The following DNAH11 variants were observed in gnomAD, a reference collection of about 807,000 sequenced individuals.
DNAH11 encodes the protein dynein axonemal heavy chain 11.
Under a neutral mutation model 526.0 loss-of-function variants are expected in DNAH11, and 442 were observed. The observed-to-expected ratio is 0.84, with a 90% CI of 0.78 to 0.91. DNAH11 has a LOEUF of 0.91. Among genes scored for constraint, DNAH11 ranks in the 40% least tolerant of loss-of-function variants. DNAH11 has a pLI of 0.00. For synonymous variants in DNAH11, 2,461 were observed against 1,935.9 expected, an observed-to-expected ratio of 1.27 and a Z score of -7.12; for missense variants, 6,989 against 5,448.7, an observed-to-expected ratio of 1.28 and a Z score of -8.90.
Position 21,892,418 on chromosome 7 carries a change from G to T in DNAH11, c.12508-7G>T. 6.2e-7 allele frequency: 1 copy of T among 1,604,204 alleles called. No individual in the cohort carries two copies. The highest frequency in any genetic ancestry group is 8.5e-7 in the Non-Finnish European group (1 of 1,172,818). On this transcript the variant is annotated splice_polypyrimidine_tract_variant and splice_region_variant and intron_variant, in intron 76 of 81. Transcript: ENST00000409508. ...TGGAATAACTGACTTTTCCTTTGTG[G>T]TTCAAGACTGAAGATGAACTGATGC...
At chr7:21,870,538 A>C in intron 73 of DNAH11, among the ~76,000 whole-genome samples, 1 of 152,148 alleles carries the variant, frequency 6.6e-6, no homozygotes, top group Non-Finnish European at 1.5e-5. Flanking sequence ...GGTAAATTTT[A>C]AGGTTGTCTC....
chr7:21,581,974 A>G lies in DNAH11; in HGVS notation c.1663A>G (p.Ile555Val). 6.2e-7 allele frequency: 1 copy of G among 1,613,392 alleles called. No homozygotes were observed. The highest frequency in any genetic ancestry group is 8.5e-7 in the Non-Finnish European group (1 of 1,179,476). The change falls in exon 9 of 82, where the codon ATT (isoleucine) becomes GTT (valine). Residue 555 changes from isoleucine (I) to valine (V), a missense_variant. Physicochemically the swap from Ile to Val is conservative, Grantham distance 29. Coordinates refer to ENST00000409508, the MANE Select transcript of DNAH11 (RefSeq NM_001277115.2). ...ATTTGACAGAAGGCTTGGGACAATT[A>G]TTTGTGAAGCTTTCTTTAACTGCAA... ...LEFDRRLGTI[I>V]CEAFFNCNGL...
chr7:21,705,580 T>A (rs750954734), intron 39 of DNAH11, 43 bp downstream of exon 39: 1 of 1,585,852 alleles, frequency 6.3e-7, no homozygotes, highest in Non-Finnish European at 8.6e-7. Context: ...GGAAAGAACA[T>A]TTGTTGTCAT....
intron 21 of DNAH11, 43 bp from the exon 22 acceptor site, chr7:21,616,166 C>G (rs1489664809): frequency 6.7e-7 from 1 of 1,490,206 alleles, no homozygotes; most frequent in South Asian, 1.1e-5. Context: ...GACTTGCTTT[C>G]ACCAAATGTT....
intron 54 of DNAH11, among the ~76,000 whole-genome samples, chr7:21,761,538 C>T (rs1285239142): frequency 6.6e-6 from 1 of 152,202 alleles, no homozygotes; most frequent in Non-Finnish European, 1.5e-5. Context: ...ATTAGGCTAT[C>T]ACTGTGGGTG....
intron 25 of DNAH11, among the ~76,000 whole-genome samples, chr7:21,629,339 G>A (rs1335266309): frequency 6.6e-6 from 1 of 152,034 alleles, no homozygotes; most frequent in East Asian, 1.9e-4. Flanking sequence ...GATCTATTCT[G>A]GAGAATCCAT....
intron 54 of DNAH11, among the ~76,000 whole-genome samples, chr7:21,755,587 G>A (rs57038242): frequency 0.066 from 10,059 of 152,036 alleles, 502 homozygotes; most frequent in East Asian, 0.29. Context: ...ACAAAACAAT[G>A]TAAAAAATAT....
chr7:21,677,545 C>G (rs1782945127), intron 30 of DNAH11, among the ~76,000 whole-genome samples: 1 of 152,106 alleles, frequency 6.6e-6, no homozygotes, highest in Non-Finnish European at 1.5e-5. Context: ...CTATGCCTGG[C>G]TGATATTTTT....
At chr7:21,632,286 C>T (rs1786652762) in intron 25 of DNAH11, among the ~76,000 whole-genome samples, 1 of 152,208 alleles carries the variant, frequency 6.6e-6, no homozygotes. Flanking sequence ...ACAAAGGTCT[C>T]TGATGCCTTG....
intron 4 of DNAH11, among the ~76,000 whole-genome samples, chr7:21,560,854 A>G (rs1168875255): frequency 6.6e-6 from 1 of 152,220 alleles, no homozygotes; most frequent in Admixed American, 6.5e-5. Flanking sequence ...AATAATATAT[A>G]TCCAAATTTA....
intron 68 of DNAH11, among the ~76,000 whole-genome samples, chr7:21,857,585 A>T (rs7810215): frequency 0.67 from 101,781 of 151,788 alleles, 34,806 homozygotes; most frequent in African/African-American, 0.75. Context: ...TTAAGACTTA[A>T]ATCTACACGA....
chr7:21,738,970 T>G, intron 47 of DNAH11, 104 bp downstream of exon 47: 1 of 1,120,592 alleles, frequency 8.9e-7, no homozygotes. Flanking sequence ...TATGGATGAA[T>G]TATTATGGAT....
chr7:21,597,341 C>T (rs1300323523), intron 14 of DNAH11, among the ~76,000 whole-genome samples: 1 of 152,116 alleles, frequency 6.6e-6, no homozygotes, highest in Non-Finnish European at 1.5e-5. Context: ...AGTCCTAGCT[C>T]AGCTATTAAC....
intron 28 of DNAH11, among the ~76,000 whole-genome samples, chr7:21,641,492 T>C (rs1045685194): frequency 1.3e-5 from 2 of 152,194 alleles, no homozygotes; most frequent in Non-Finnish European, 2.9e-5. Flanking sequence ...AATGTGCACA[T>C]ACTCACCACC....
chr7:21,600,226 G>C, intron 15 of DNAH11, 107 bp downstream of exon 15: 3 of 974,048 alleles, frequency 3.1e-6, no homozygotes, highest in Middle Eastern at 3.3e-4. Context: ...TTGGGAGGCT[G>C]AGGCAAGAGG....
rs371438607 is a variant in DNAH11, at chr7:21,866,507, G to T, written c.11534G>T (p.Arg3845Leu). Residue 3845 changes from arginine (R) to leucine (L), a missense_variant, in exon 71 of 82, where the codon CGA becomes CTA. Arg to Leu is a moderately radical substitution (Grantham distance 102). Transcript: ENST00000409508. ...ATGGAAGAATTTCGAGGCATAGACC[G>T]AGATGTGGAAGGATCTGCCAAGCAG... ...AVMEEFRGID[R>L]DVEGSAKQWR... 5 of 1,613,188 alleles carry T rather than the reference G, an allele frequency of 3.1e-6. No individual in the cohort carries two copies. In the Admixed American group the frequency reaches 5.0e-5, roughly 16 times the overall value.
chr7:21,548,694 T>G (rs1782901479), intron 2 of DNAH11, among the ~76,000 whole-genome samples: 1 of 152,160 alleles, frequency 6.6e-6, no homozygotes, highest in Non-Finnish European at 1.5e-5. Context: ...CATGGAAAGC[T>G]GGGTAATTGC....
intron 37 of DNAH11, 85 bp downstream of exon 37, chr7:21,702,887 T>C (rs1784123425): frequency 8.6e-7 from 1 of 1,168,652 alleles, no homozygotes; most frequent in Non-Finnish European, 1.2e-6. Context: ...TGGTGGGGCA[T>C]GGACAGCACA....
intron 57 of DNAH11, 60 bp from the exon 58 acceptor site, chr7:21,784,367 C>G: frequency 7.7e-7 from 1 of 1,302,910 alleles, no homozygotes; most frequent in Non-Finnish European, 1.1e-6. Context: ...CTCCATTTTT[C>G]TTTAGAGATA....
Sources: gnomAD v4.1 joint callset for allele counts (sites outside exome capture counted in the v4.1 genomes callset) on GRCh38, gnomAD v4.1.1 for gene constraint, MANE v1.5 for transcripts, NCBI Gene and HGNC (gene_info 2026-07-23, HGNC 2026-07-21) for gene names.